Variants in SOX6 observed in about 807,000 individuals in gnomAD.
The protein encoded by SOX6 is transcription factor SOX-6.
SOX6 carries 11 observed loss-of-function variants against 97.8 expected under a neutral mutation model. The ratio of observed to expected loss-of-function variants is 0.11; its 90% CI spans 0.07 to 0.19. The LOEUF is 0.19. Among genes scored for constraint, SOX6 ranks in the 10% least tolerant of loss-of-function variants. The pLI is 1.00. For synonymous variants in SOX6, 360 were observed against 371.4 expected (o/e 0.97, Z 0.35); for missense variants, 810 against 1,039.5 (o/e 0.78, Z 3.04).
chr11:16,609,841 TG>T (rs1165980308), intron 4 of SOX6, among the ~76,000 whole-genome samples: 2 of 152,220 alleles, frequency 1.3e-5, no homozygotes, highest in African/African-American at 4.8e-5. Context: ...TGAGTTAAAC[TG>T]ACTTGATGTT....
At chr11:16,244,522 A>C (rs577005983) in intron 3 of SOX6, among the ~76,000 whole-genome samples, 9 of 151,768 alleles carry the variant, frequency 5.9e-5, no homozygotes, top group Non-Finnish European at 1.0e-4. Flanking sequence ...AATATCACAA[A>C]GATTTTTTTC....
chr11:16,441,037 A>T (rs1859493919), intron 1 of SOX6, among the ~76,000 whole-genome samples: 1 of 152,058 alleles, frequency 6.6e-6, no homozygotes, highest in Non-Finnish European at 1.5e-5. Context: ...ATGAAGCCCA[A>T]ATGTGTGTAG....
At chr11:15,995,241 C>T (rs774391810) in intron 13 of SOX6, among the ~76,000 whole-genome samples, 28 of 152,224 alleles carry the variant, frequency 1.8e-4, no homozygotes, top group Non-Finnish European at 3.7e-4. Context: ...AGAAAGAATT[C>T]ATAAACACCT....
chr11:16,061,191 A>T (rs1847942321), intron 9 of SOX6, among the ~76,000 whole-genome samples: 1 of 151,616 alleles, frequency 6.6e-6, no homozygotes, highest in African/African-American at 2.4e-5. Context: ...AATTTTGACT[A>T]GACAGCTGCT....
In SOX6 at chr11:16,613,419, G is replaced by A. The variant is rs10832650; in HGVS notation, n.430-1159C>T. ...ATTAGCAAATCTTCTACCGCTGGCG[G>A]CGGCAACCAGAGCCTCTGTCTTGCC... On this transcript the variant is annotated intron_variant and non_coding_transcript_variant, in intron 3 of 5. Coordinates refer to the SOX6 transcript ENST00000524520. The surrounding 1 kb of genome is among the most constrained non-coding windows in gnomAD (Gnocchi z 4.6). Among the ~76,000 whole-genome samples, 25,099 of 151,916 alleles carry A rather than the reference G, an allele frequency of 0.17. 2,682 individuals carry two copies. The highest frequency in any genetic ancestry group is 0.32 in the East Asian group (1,620 of 5,108).
intron 4 of SOX6, among the ~76,000 whole-genome samples, chr11:16,608,989 C>A (rs1848367485): frequency 6.6e-6 from 1 of 152,070 alleles, no homozygotes; most frequent in African/African-American, 2.4e-5. Context: ...TAATAAAAGA[C>A]CCCCAGACAA....
chr11:16,445,166 C>T (rs538674858), intron 1 of SOX6, among the ~76,000 whole-genome samples: 1 of 152,278 alleles, frequency 6.6e-6, no homozygotes, highest in South Asian at 2.1e-4. Context: ...CATGGGCTTG[C>T]ATTCTACATA....
chr11:16,264,253 G>T (rs1011667435), intron 3 of SOX6, among the ~76,000 whole-genome samples: 2 of 151,834 alleles, frequency 1.3e-5, no homozygotes, highest in African/African-American at 4.8e-5. Context: ...ATAGTTTATA[G>T]TTTACCCTTC....
At chr11:16,679,047 A>G (rs1164798383) in intron 3 of SOX6, among the ~76,000 whole-genome samples, 1 of 152,242 alleles carries the variant, frequency 6.6e-6, no homozygotes, top group Non-Finnish European at 1.5e-5. Flanking sequence ...TAGCTGAACA[A>G]AAGGCAGACA....
intron 3 of SOX6, among the ~76,000 whole-genome samples, chr11:16,641,295 C>A (rs956367727): frequency 6.6e-6 from 1 of 152,138 alleles, no homozygotes; most frequent in African/African-American, 2.4e-5. Flanking sequence ...AATTTCTGTT[C>A]TTTTGCATTT....
At chr11:16,495,322 G>T (rs1343236292) in intron 4 of SOX6, among the ~76,000 whole-genome samples, 2 of 152,086 alleles carry the variant, frequency 1.3e-5, no homozygotes, top group Non-Finnish European at 1.5e-5. Flanking sequence ...CAAACATTCT[G>T]CCATGAGCCT....
intron 9 of SOX6, among the ~76,000 whole-genome samples, chr11:16,062,800 A>G (rs1422508054): frequency 6.6e-6 from 1 of 151,766 alleles, no homozygotes. Flanking sequence ...CAGCTTTAAT[A>G]AAGTAGCTAG....
chr11:16,689,676 C>A (rs191897352), intron 3 of SOX6, among the ~76,000 whole-genome samples: 1 of 152,054 alleles, frequency 6.6e-6, no homozygotes, highest in African/African-American at 2.4e-5. Context: ...AAGTTTACTA[C>A]GTAAATAGCC....
chr11:16,270,777 CA>C lies in SOX6; in HGVS notation c.446-36107del, dbSNP rs1210291804. The stretch of plus-strand genomic sequence containing the variant: ...TTGATAAAAGTCATACACAAAAGGG[CA>C]AATATTATATAATTCTACCTAGTCA... On this transcript the variant is annotated intron_variant, in intron 3 of 15. Transcript: ENST00000683767. Among the ~76,000 whole-genome samples the C allele has an allele frequency of 7.3e-5, 11 of 151,344 alleles. 1 individual carries two copies. The East Asian group carries it at 2.1e-3, about 29-fold the overall frequency.
chr11:16,332,677 T>G (rs1856342280), intron 2 of SOX6, among the ~76,000 whole-genome samples: 1 of 152,204 alleles, frequency 6.6e-6, no homozygotes, highest in East Asian at 1.9e-4. Context: ...GTTTGTAATT[T>G]ATACTTTGGA....
rs1848509677 is a variant in SOX6, at chr11:16,083,218, C to A, written c.1101+12778G>T. ...ATCACATTGCTTACTAGATTGTGGG[C>A]CCTTCAGGGGCAAGAGTCAAATTCT... On this transcript the variant is annotated intron_variant, in intron 9 of 15. Transcript: ENST00000683767. 1.3e-5 allele frequency among the ~76,000 whole-genome samples: 2 copies of A among 152,124 alleles called. 1 individual carries two copies. The highest frequency in any genetic ancestry group is 1.3e-4 in the Admixed American group (2 of 15,260).
At chr11:15,984,613 T>C (rs1473759869) in intron 15 of SOX6, among the ~76,000 whole-genome samples, 1 of 152,224 alleles carries the variant, frequency 6.6e-6, no homozygotes, top group African/African-American at 2.4e-5. Flanking sequence ...ATTGCCCTTT[T>C]TAGCGTTAAA....
Position 16,409,337 on chromosome 11 carries a change from G to C in SOX6, c.-5+66978C>G, listed in dbSNP as rs530158172. 4.6e-5 allele frequency among the ~76,000 whole-genome samples: 7 copies of C among 150,704 alleles called. No homozygotes were observed. In the South Asian group the frequency reaches 1.5e-3, roughly 32 times the overall value. ...GGATTGGGGGAAAACAGCTATGTTG[G>C]GTTTATGTTTCAAAATTCTTTAAAG... On this transcript the variant is annotated intron_variant, in intron 1 of 15. Coordinates refer to the SOX6 transcript ENST00000396356.
chr11:16,480,194 G>A (rs1860319827), upstream of SOX6, among the ~76,000 whole-genome samples: 1 of 151,952 alleles, frequency 6.6e-6, no homozygotes, highest in Admixed American at 6.6e-5. Context: ...GTTAACATTG[G>A]GCAGGGTGCC....
Sources: allele counts gnomAD v4.1 joint callset (sites outside exome capture counted in the v4.1 genomes callset), GRCh38; gene constraint gnomAD v4.1.1; non-coding constraint Gnocchi (gnomAD v3.1); transcripts MANE v1.5; gene names NCBI Gene and HGNC (gene_info 2026-07-23, HGNC 2026-07-21).